The following VPS37A variants were observed in gnomAD, a reference collection of about 807,000 sequenced individuals.
VPS37A encodes the protein vacuolar protein sorting-associated protein 37A.
A neutral mutation model predicts 49.8 loss-of-function variants in VPS37A; 30 were observed. The observed-to-expected ratio is 0.60, with a 90% CI of 0.45 to 0.82. The LOEUF is 0.82. Among genes scored for constraint, VPS37A ranks in the 40% least tolerant of loss-of-function variants. VPS37A has a pLI of 0.00. For missense variants in VPS37A, 593 were observed against 464.4 expected (o/e 1.28, Z -2.55); for synonymous variants, 195 against 160.6 (o/e 1.21, Z -1.62).
downstream of VPS37A, chr8:17,305,891 AAC>A: frequency 5.0e-6 from 8 of 1,613,796 alleles, no homozygotes; most frequent in Non-Finnish European, 6.8e-6. Context: ...TTAACTGCCA[AAC>A]ACACTCAATG....
intron 1 of VPS37A, chr8:17,247,976 C>T (rs1215558050): frequency 1.4e-5 from 8 of 568,006 alleles, no homozygotes; most frequent in Non-Finnish European, 2.5e-5. Context: ...GTCTTGTCCC[C>T]ACGCTCAAGA....
the VPS37A span, among the ~76,000 whole-genome samples, chr8:17,309,602 T>A: frequency 6.6e-6 from 1 of 152,204 alleles, no homozygotes; most frequent in African/African-American, 2.4e-5. Context: ...ACTGTTCACA[T>A]TGCTTTACGT....
chr8:17,269,500 T>C (rs1813783391), intron 4 of VPS37A, among the ~76,000 whole-genome samples: 1 of 152,228 alleles, frequency 6.6e-6, no homozygotes, highest in South Asian at 2.1e-4. Flanking sequence ...TTTAAGATCT[T>C]ACTAAATTTC....
chr8:17,256,596 C>G (rs1006145777), intron 1 of VPS37A, among the ~76,000 whole-genome samples: 8 of 151,002 alleles, frequency 5.3e-5, no homozygotes, highest in African/African-American at 9.8e-5. Context: ...TGGGTTGTCT[C>G]TTTACTTTGT....
downstream of VPS37A, among the ~76,000 whole-genome samples, chr8:17,302,951 T>C (rs1184222011): frequency 6.6e-6 from 1 of 151,946 alleles, no homozygotes; most frequent in Admixed American, 6.6e-5. Flanking sequence ...CCTCAGGTGA[T>C]CCACCCACCT....
chr8:17,276,059 G>C (rs1012340), intron 5 of VPS37A, among the ~76,000 whole-genome samples: 54,154 of 151,948 alleles, frequency 0.36, 10,961 homozygotes, highest in Middle Eastern at 0.48. Flanking sequence ...TATTGCTTTT[G>C]TATATTTAAT....
intron 1 of VPS37A, among the ~76,000 whole-genome samples, chr8:17,262,766 A>C (rs940335849): frequency 2.0e-5 from 3 of 152,180 alleles, no homozygotes; most frequent in African/African-American, 7.2e-5. Context: ...TGCAGCCATT[A>C]AAAATTATAT....
chr8:17,301,056 C>T (rs1016072387), downstream of VPS37A, among the ~76,000 whole-genome samples: 3 of 152,142 alleles, frequency 2.0e-5, no homozygotes, highest in Admixed American at 1.3e-4. Flanking sequence ...GAATACATTT[C>T]GCCAGATTTC....
chr8:17,258,711 T>C (rs1812704890), intron 1 of VPS37A, among the ~76,000 whole-genome samples: 1 of 152,132 alleles, frequency 6.6e-6, no homozygotes, highest in Non-Finnish European at 1.5e-5. Flanking sequence ...CTTTAAGTGT[T>C]TGGTAGAATT....
chr8:17,269,007 A>T, intron 4 of VPS37A, 51 bp downstream of exon 4: 1 of 1,266,916 alleles, frequency 7.9e-7, no homozygotes, highest in Non-Finnish European at 1.1e-6. Flanking sequence ...TTAATGTATT[A>T]ATCAAAATAT....
chr8:17,250,283 ATTG>A (rs548483928), intron 1 of VPS37A, among the ~76,000 whole-genome samples: 224 of 152,248 alleles, frequency 1.5e-3, no homozygotes, highest in Non-Finnish European at 2.4e-3. Flanking sequence ...ATTTTGGGGT[ATTG>A]TTTTCTGAGC....
intron 4 of VPS37A, among the ~76,000 whole-genome samples, chr8:17,271,605 CA>C (rs879826579): frequency 3.9e-4 from 56 of 144,600 alleles, no homozygotes; most frequent in East Asian, 1.4e-3. Context: ...GACTCCGTCT[CA>C]AAAAAAAAAA....
chr8:17,263,239 G>C (rs866821666), intron 1 of VPS37A, among the ~76,000 whole-genome samples: 12 of 151,820 alleles, frequency 7.9e-5, no homozygotes, highest in African/African-American at 2.7e-4. Flanking sequence ...GTTTACAGTG[G>C]TTTTTTGGCA....
In VPS37A at chr8:17,297,553, T is replaced by C. The variant is rs1380406983; in HGVS notation, c.*2567T>C. ...TTTGCTGGGTCATGGTCAAAATTCT[T>C]ACCTATTTATTTCATATCAACTTTA... On this transcript the variant is annotated 3_prime_UTR_variant, in exon 12 of 12. Coordinates refer to ENST00000324849, the MANE Select transcript of VPS37A (RefSeq NM_152415.3). 4.4e-5 allele frequency: 5 copies of C among 113,816 alleles called. No individual in the cohort carries two copies. Among genetic ancestry groups the C allele is most frequent in the African/African-American group, 2.2e-4 (5 of 22,596 alleles). The allele number at this position is 113,816 out of a possible 1,614,324, so 7.1% of individuals were successfully genotyped here.
chr8:17,300,233 G>A, downstream of VPS37A: 1 of 1,590,500 alleles, frequency 6.3e-7, no homozygotes, highest in Non-Finnish European at 8.6e-7. Flanking sequence ...CTCTAAGAAA[G>A]AAATAACAAT....
intron 1 of VPS37A, among the ~76,000 whole-genome samples, chr8:17,257,025 C>G (rs1412063572): frequency 6.6e-6 from 1 of 152,144 alleles, no homozygotes; most frequent in Non-Finnish European, 1.5e-5. Context: ...GAAGCATTTC[C>G]TCAATGTTTT....
chr8:17,292,475 G>A (rs1816243173), intron 11 of VPS37A, among the ~76,000 whole-genome samples: 1 of 152,114 alleles, frequency 6.6e-6, no homozygotes, highest in Non-Finnish European at 1.5e-5. Flanking sequence ...GGTTAATATT[G>A]TTATGTGTGA....
intron 11 of VPS37A, among the ~76,000 whole-genome samples, chr8:17,293,696 T>C (rs1322172880): frequency 6.6e-6 from 1 of 152,190 alleles, no homozygotes; most frequent in African/African-American, 2.4e-5. Flanking sequence ...TAGTTGTCTT[T>C]CTAACAAGCC....
the VPS37A span, among the ~76,000 whole-genome samples, chr8:17,316,656 T>C: frequency 2.8e-3 from 425 of 151,964 alleles, 4 homozygotes; most frequent in African/African-American, 9.9e-3. Context: ...TTGAAAAAAA[T>C]AAAAATAACA....
Sources: allele counts gnomAD v4.1 joint callset (sites outside exome capture counted in the v4.1 genomes callset), GRCh38; gene constraint gnomAD v4.1.1; transcripts MANE v1.5; gene names NCBI Gene and HGNC (gene_info 2026-07-23, HGNC 2026-07-21).